GSPT2: variants seen among roughly 807,000 people sequenced by gnomAD.
The protein encoded by GSPT2 is eukaryotic peptide chain release factor GTP-binding subunit ERF3B.
In GSPT2, 2 loss-of-function variants were observed where a neutral mutation model predicts 24.6. That is an observed-to-expected ratio of 0.08 (90% CI 0.03 to 0.26). The LOEUF (loss-of-function observed/expected upper bound fraction) is 0.26, where lower values mean the gene tolerates loss of function less well. Among genes scored for constraint, GSPT2 ranks in the 10% least tolerant of loss-of-function variants. The pLI is 1.00. For missense variants in GSPT2, 322 were observed against 489.6 expected (o/e 0.66, Z 3.23); for synonymous variants, 194 against 189.3 (o/e 1.02, Z -0.20).
rs781939238 is a variant in GSPT2, at chrX:51,743,800, C to T, written c.174C>T (p.Pro58=). The stretch of plus-strand genomic sequence containing the variant: ...GTAAGCTCAACGTCAACGCCAAGCC[C>T]TTCGTGCCTAACGTACACGCCGCGG... The part of the protein sequence containing the change: ...FSRKLNVNAK[P]FVPNVHAAEF... Residue 58 remains proline (P), a synonymous_variant, in exon 1 of 1, where the codon CCC becomes CCT. Coordinates refer to ENST00000340438, the MANE Select transcript of GSPT2 (RefSeq NM_018094.5). 2.5e-6 allele frequency: 3 copies of T among 1,211,751 alleles called. No individual in the cohort carries two copies. The highest frequency in any genetic ancestry group is 3.4e-6 in the Non-Finnish European group (3 of 895,348).
In GSPT2 at chrX:51,743,722, C is replaced by T. The variant is rs782084217; in HGVS notation, c.96C>T (p.Val32=). 11 of 1,209,130 alleles carry T rather than the reference C, an allele frequency of 9.1e-6. No individual in the cohort carries two copies. The East Asian group carries it at 3.0e-4, about 33-fold the overall frequency. The change falls in exon 1 of 1, where the codon GTC becomes GTT. Residue 32 remains valine, a synonymous_variant. Coordinates refer to ENST00000340438, the MANE Select transcript of GSPT2 (RefSeq NM_018094.5). ...GGTCGGCCCCGAGCGGGGATGGAGT[C>T]TCCTCTGCGGTGGCCGAGGCCCAGC... ...SPGSAPSGDG[V]SSAVAEAQRE...
At position 51,743,883 on chromosome X, in the gene GSPT2, C is replaced by G; in HGVS notation, c.257C>G (p.Ser86Cys). Residue 86 changes from serine (S) to cysteine (C), a missense_variant, in exon 1 of 1, where the codon TCC becomes TGC. Transcript: ENST00000340438. ...CAGCCGCCCACCCTCCCGGCCGGCTCCGGCAGCAACGATGAAACCTGCACC... is the reference window on the plus strand; with the variant it reads ...CAGCCGCCCACCCTCCCGGCCGGCTGCGGCAGCAACGATGAAACCTGCACC... ...PTQPPTLPAGSGSNDETCTGA... is the reference protein window; with the variant it reads ...PTQPPTLPAGCGSNDETCTGA... The G allele has an allele frequency of 8.3e-7, 1 of 1,204,946 alleles. No homozygotes were observed. Among genetic ancestry groups the G allele is most frequent in the Non-Finnish European group, 1.1e-6 (1 of 891,956 alleles).
Position 51,745,486 on chromosome X carries a change from T to C in GSPT2, c.1860T>C (p.Val620=). The change falls in exon 1 of 1, where the codon GTT becomes GTC. Residue 620 remains valine (V), a synonymous_variant. Transcript: ENST00000340438. ...DEGKTIAIGK[V]LKLVPEKD is the part of the protein sequence containing the mutation. ...GTAAGACCATTGCAATTGGAAAAGT[T>C]CTGAAATTGGTCCCAGAGAAGGACT... is the stretch of plus-strand genomic sequence containing the variant. The C allele has an allele frequency of 8.3e-7, 1 of 1,200,571 alleles. No homozygotes were observed. Among genetic ancestry groups the C allele is most frequent in the Non-Finnish European group, 1.1e-6 (1 of 885,929 alleles).
Position 51,745,188 on chromosome X carries a change from C to T in GSPT2, c.1562C>T (p.Thr521Met). ...DPSNLCHSGR[T>M]FDVQIVIIEH... ...AGTAACCTCTGCCATTCTGGACGCA[C>T]GTTTGATGTTCAGATAGTGATTATT... The change falls in exon 1 of 1, where the codon ACG becomes ATG. Residue 521 changes from threonine (T) to methionine (M), a missense_variant. Physicochemically the swap from Thr to Met is moderately conservative, Grantham distance 81. Transcript: ENST00000340438. 8.3e-7 allele frequency: 1 copy of T among 1,206,710 alleles called. No homozygotes were observed. Among genetic ancestry groups the T allele is most frequent in the Non-Finnish European group, 1.1e-6 (1 of 891,089 alleles).
In GSPT2 at chrX:51,744,026, G is replaced by A; in HGVS notation, c.400G>A (p.Glu134Lys). The A allele has an allele frequency of 8.3e-7, 1 of 1,210,728 alleles. No homozygotes were observed. The highest frequency in any genetic ancestry group is 1.1e-6 in the Non-Finnish European group (1 of 895,013). The change falls in exon 1 of 1, where the codon GAA (glutamate) becomes AAA (lysine). Residue 134 changes from glutamate (E) to lysine (K), a missense_variant. Coordinates refer to ENST00000340438, the MANE Select transcript of GSPT2 (RefSeq NM_018094.5). ...TTCAGCCGTTACCATGGAACTTTCA[G>A]AACCTGTTGTAGAAAATGGAGAGGT... is the stretch of plus-strand genomic sequence containing the variant. ...SNSAVTMELSEPVVENGEVEM... is the reference protein window; with the variant it reads ...SNSAVTMELSKPVVENGEVEM...
In GSPT2 at chrX:51,745,904, CAT is replaced by C. The variant is rs782145670; in HGVS notation, c.*392_*393del. On this transcript the variant is annotated 3_prime_UTR_variant, in exon 1 of 1. Coordinates refer to ENST00000340438, the MANE Select transcript of GSPT2 (RefSeq NM_018094.5). ...GTGTGTGTGTTAAAATGATAACTAA[CAT>C]GTGAATAAAATACTCCATTTGAAAC... The C allele has an allele frequency of 3.2e-4, 46 of 143,675 alleles. No individual in the cohort carries two copies. Among genetic ancestry groups the C allele is most frequent in the East Asian group, 3.2e-3 (14 of 4,420 alleles). The allele number at this position is 143,675 out of a possible 1,213,427, so 11.8% of individuals were successfully genotyped here. A position where few individuals can be genotyped will look rare whatever the true frequency, so the allele number is the denominator to read the frequency against.
In GSPT2 at chrX:51,745,529, C is replaced by G. The variant is rs781899679; in HGVS notation, c.*16C>G. 3.8e-6 allele frequency: 4 copies of G among 1,046,978 alleles called. No homozygotes were observed. The highest frequency in any genetic ancestry group is 3.7e-5 in the African/African-American group (2 of 53,863). The allele number at this position is 1,046,978 out of a possible 1,213,427, so 86.3% of individuals were successfully genotyped here. A position where few individuals can be genotyped will look rare whatever the true frequency, so the allele number is the denominator to read the frequency against. On this transcript the variant is annotated 3_prime_UTR_variant, in exon 1 of 1. Transcript: ENST00000340438. Reference sequence around the variant, plus strand: ...GAAGGACTAAGCAATTTTCTTGATGCCTCTGCAAGATACTGTGAGGAGAAT... The same window carrying G: ...GAAGGACTAAGCAATTTTCTTGATGGCTCTGCAAGATACTGTGAGGAGAAT...
chrX:51,743,703 C>T lies in GSPT2; in HGVS notation c.77C>T (p.Ala26Val). ...DQVDMESPGS[A>V]PSGDGVSSAV... ...GTGGACATGGAATCCCCGGGGTCGG[C>T]CCCGAGCGGGGATGGAGTCTCCTCT... Residue 26 changes from alanine to valine, a missense_variant, in exon 1 of 1, where the codon GCC becomes GTC. Ala to Val is a moderately conservative substitution (Grantham distance 64). Around this residue, in one of 4 missense-constraint regions of GSPT2, gnomAD observed 125 missense variants for 121.3 expected, o/e 1.03. Transcript: ENST00000340438. The T allele has an allele frequency of 8.3e-7, 1 of 1,209,796 alleles. No homozygotes were observed. The highest frequency in any genetic ancestry group is 1.1e-6 in the Non-Finnish European group (1 of 894,279).
chrX:51,745,250 G>A lies in GSPT2; in HGVS notation c.1624G>A (p.Val542Met). The change falls in exon 1 of 1, where the codon GTG becomes ATG. Residue 542 changes from valine (V) to methionine (M), a missense_variant. By Grantham distance (21) the Val-to-Met change is conservative (BLOSUM62 1). Transcript: ENST00000340438. ...KSIICPGYNA[V>M]LHIHTCIEEV... ...CATCATCTGCCCAGGTTATAATGCGGTGCTGCACATTCATACTTGTATTGA... is the reference window on the plus strand; with the variant it reads ...CATCATCTGCCCAGGTTATAATGCGATGCTGCACATTCATACTTGTATTGA... The A allele has an allele frequency of 8.3e-7, 1 of 1,207,208 alleles. No individual in the cohort carries two copies. Among genetic ancestry groups the A allele is most frequent in the Non-Finnish European group, 1.1e-6 (1 of 891,557 alleles).
In GSPT2 at chrX:51,743,974, A is replaced by G; in HGVS notation, c.348A>G (p.Glu116=). Residue 116 remains glutamate (E), a synonymous_variant, in exon 1 of 1, where the codon GAA becomes GAG. Transcript: ENST00000340438. ...RGAPVEPSRE[E]PLVSLEGSNS... ...CACCTGTGGAACCTTCCCGAGAGGA[A>G]CCGTTAGTGTCGCTTGAAGGTTCCA... 8.3e-7 allele frequency: 1 copy of G among 1,207,637 alleles called. No homozygotes were observed. Among genetic ancestry groups the G allele is most frequent in the Non-Finnish European group, 1.1e-6 (1 of 893,273 alleles).
At position 51,745,208 on chromosome X, in the gene GSPT2, A is replaced by G; in HGVS notation, c.1582A>G (p.Ile528Val). 1 of 1,209,873 alleles carries G rather than the reference A, an allele frequency of 8.3e-7. No individual in the cohort carries two copies. The change falls in exon 1 of 1, where the codon ATT (isoleucine) becomes GTT (valine). Residue 528 changes from isoleucine to valine, a missense_variant. Coordinates refer to ENST00000340438, the MANE Select transcript of GSPT2 (RefSeq NM_018094.5). ...ACGCACGTTTGATGTTCAGATAGTGATTATTGAGCACAAATCCATCATCTG... is the reference window on the plus strand; with the variant it reads ...ACGCACGTTTGATGTTCAGATAGTGGTTATTGAGCACAAATCCATCATCTG... ...SGRTFDVQIV[I>V]IEHKSIICPG...
chrX:51,743,971 G>A lies in GSPT2; in HGVS notation c.345G>A (p.Glu115=). 8.3e-7 allele frequency: 1 copy of A among 1,207,639 alleles called. No homozygotes were observed. Among genetic ancestry groups the A allele is most frequent in the Non-Finnish European group, 1.1e-6 (1 of 893,226 alleles). Residue 115 remains glutamate (E), a synonymous_variant, in exon 1 of 1, where the codon GAG becomes GAA. Coordinates refer to ENST00000340438, the MANE Select transcript of GSPT2 (RefSeq NM_018094.5). ...GRGAPVEPSR[E]EPLVSLEGSN... is the part of the protein sequence containing the mutation. ...GGGCACCTGTGGAACCTTCCCGAGA[G>A]GAACCGTTAGTGTCGCTTGAAGGTT... is the stretch of plus-strand genomic sequence containing the variant.
chrX:51,745,449 T>C lies in GSPT2; in HGVS notation c.1823T>C (p.Leu608Ser). ...TTTCCTCAGATGGGTCGTTTTACTT[T>C]AAGAGATGAGGGTAAGACCATTGCA... Reference protein sequence around the residue: ...KDFPQMGRFTLRDEGKTIAIG... With the variant: ...KDFPQMGRFTSRDEGKTIAIG... Residue 608 changes from leucine to serine, a missense_variant, in exon 1 of 1, where the codon TTA (leucine) becomes TCA (serine). Physicochemically the swap from Leu to Ser is moderately radical, Grantham distance 145. This residue lies in a region of GSPT2 where 117 missense variants were observed against 204.1 expected (regional missense o/e 0.57). Transcript: ENST00000340438. 8.3e-7 allele frequency: 1 copy of C among 1,208,402 alleles called. No homozygotes were observed. The highest frequency in any genetic ancestry group is 1.1e-6 in the Non-Finnish European group (1 of 892,479).
rs781864714 is a variant in GSPT2 at position 51,744,852 on chromosome X, C to A, written c.1226C>A (p.Thr409Asn). 8.3e-7 allele frequency: 1 copy of A among 1,209,723 alleles called. No homozygotes were observed. Among genetic ancestry groups the A allele is most frequent in the South Asian group, 1.8e-5 (1 of 56,921 alleles). The change falls in exon 1 of 1, where the codon ACT becomes AAT. Residue 409 changes from threonine (T) to asparagine (N), a missense_variant. Physicochemically the swap from Thr to Asn is moderately conservative, Grantham distance 65. Transcript: ENST00000340438. ...KEQSDFCPWY[T>N]GLPFIPYLDN... ...CAGTCAGATTTCTGCCCTTGGTACACTGGATTACCATTTATTCCGTATTTG... is the reference window on the plus strand; with the variant it reads ...CAGTCAGATTTCTGCCCTTGGTACAATGGATTACCATTTATTCCGTATTTG...
Position 51,745,810 on chromosome X carries a change from A to C in GSPT2, c.*297A>C. On this transcript the variant is annotated 3_prime_UTR_variant, in exon 1 of 1. Transcript: ENST00000340438. Reference sequence around the variant, plus strand: ...CAGTAATGAAAAATTAATGTACTTTAATTTTTCATTTTCTTTTAGGATATT... The same window carrying C: ...CAGTAATGAAAAATTAATGTACTTTCATTTTTCATTTTCTTTTAGGATATT... 3.9e-6 allele frequency: 1 copy of C among 258,394 alleles called. No individual in the cohort carries two copies. The allele number at this position is 258,394 out of a possible 1,213,427, so 21.3% of individuals were successfully genotyped here.
Position 51,744,615 on chromosome X carries a change from G to C in GSPT2, c.989G>C (p.Arg330Thr). The C allele has an allele frequency of 8.3e-7, 1 of 1,211,621 alleles. No individual in the cohort carries two copies. Among genetic ancestry groups the C allele is most frequent in the Non-Finnish European group, 1.1e-6 (1 of 895,449 alleles). ...GGATTTGAAAAAGGTGGACAGACAA[G>C]AGAACATGCGATGTTGGCAAAAACG... ...ETGFEKGGQT[R>T]EHAMLAKTAG... is the part of the protein sequence containing the mutation. Residue 330 changes from arginine to threonine, a missense_variant, in exon 1 of 1, where the codon AGA becomes ACA. This residue lies in a region of GSPT2 where 8 missense variants were observed against 42.8 expected (regional missense o/e 0.19). Transcript: ENST00000340438.
At position 51,746,058 on chromosome X, in the gene GSPT2, C is replaced by T. The variant is rs1179607213; in HGVS notation, c.*545C>T. On this transcript the variant is annotated 3_prime_UTR_variant, in exon 1 of 1. Coordinates refer to ENST00000340438, the MANE Select transcript of GSPT2 (RefSeq NM_018094.5). ...CACTTAAAAACTTAAAAACTCTTCA[C>T]CACTTACTGTTTTAAGTGAGGAATT... 1 of 124,318 alleles carries T rather than the reference C, an allele frequency of 8.0e-6. No homozygotes were observed. The highest frequency in any genetic ancestry group is 1.9e-5 in the Non-Finnish European group (1 of 53,719). The allele number at this position is 124,318 out of a possible 1,213,427, so 10.2% of individuals were successfully genotyped here.
Position 51,743,561 on chromosome X carries a change from G to A in GSPT2, c.-66G>A, listed in dbSNP as rs1299323589. The A allele has an allele frequency of 2.0e-6, 2 of 1,013,144 alleles. No individual in the cohort carries two copies. Among genetic ancestry groups the A allele is most frequent in the Admixed American group, 5.8e-5 (2 of 34,533 alleles). 83.5% of individuals were successfully genotyped at this position (1,013,144 alleles called of 1,213,427 possible). A position where few individuals can be genotyped will look rare whatever the true frequency, so the allele number is the denominator to read the frequency against. On this transcript the variant is annotated 5_prime_UTR_variant, in exon 1 of 1. Coordinates refer to ENST00000340438, the MANE Select transcript of GSPT2 (RefSeq NM_018094.5). The stretch of plus-strand genomic sequence containing the variant: ...TCGCTCTTGCTGCCTTAACCCCGCC[G>A]GCGGAGCCCGCTCTTCTGGCCTGTT...
At position 51,744,450 on chromosome X, in the gene GSPT2, A is replaced by G. The variant is rs1451366569; in HGVS notation, c.824A>G (p.Tyr275Cys). The change falls in exon 1 of 1, where the codon TAT becomes TGT. Residue 275 changes from tyrosine (Y) to cysteine (C), a missense_variant. Tyr to Cys is a radical substitution (Grantham distance 194, BLOSUM62 -2). Transcript: ENST00000340438. The part of the protein sequence containing the change: ...KGKTVEVGRA[Y>C]FETERKHFTI... ...AAAACAGTCGAAGTGGGTCGTGCCT[A>G]TTTTGAAACAGAAAGGAAACATTTC... 2.5e-6 allele frequency: 3 copies of G among 1,209,328 alleles called. No individual in the cohort carries two copies. Among genetic ancestry groups the G allele is most frequent in the Non-Finnish European group, 3.4e-6 (3 of 894,690 alleles).
Sources: allele counts gnomAD v4.1 joint callset, GRCh38; gene constraint gnomAD v4.1.1; regional missense constraint gnomAD v4.1.1; transcripts MANE v1.5; gene names NCBI Gene and HGNC (gene_info 2026-07-23, HGNC 2026-07-21).